FLVCR2: variants seen among roughly 807,000 people sequenced by gnomAD.
FLVCR2 encodes the protein choline/ethanolamine transporter FLVCR2.
FLVCR2 carries 38 observed loss-of-function variants against 48.9 expected under a neutral mutation model. That is an observed-to-expected ratio of 0.78 (90% CI 0.60 to 1.02). The LOEUF (loss-of-function observed/expected upper bound fraction) is 1.02. Among genes scored for constraint, FLVCR2 ranks in the 50% least tolerant of loss-of-function variants. The pLI is 0.00. For missense variants in FLVCR2, 664 were observed against 663.3 expected, an observed-to-expected ratio of 1.00 and a Z score of -0.01; for synonymous variants, 255 against 257.0, an observed-to-expected ratio of 0.99 and a Z score of 0.07.
Position 75,635,024 on chromosome 14 carries a change from C to T in FLVCR2, c.1124+11C>T, listed in dbSNP as rs1238994472. The T allele has an allele frequency of 1.4e-5, 22 of 1,548,020 alleles. No individual in the cohort carries two copies. The highest frequency in any genetic ancestry group is 2.0e-5 in the Non-Finnish European group (22 of 1,119,884). ...GTCCAAAACCTACAAGTAAGTGACT[C>T]ATCCTCTTGGACTGAGAATTGGGGA... On this transcript the variant is annotated intron_variant, in intron 5 of 9. Transcript: ENST00000238667.
At chr14:75,640,040 A>G (rs1178603962) in intron 6 of FLVCR2, among the ~76,000 whole-genome samples, 1 of 152,150 alleles carries the variant, frequency 6.6e-6, no homozygotes, top group Non-Finnish European at 1.5e-5. Context: ...CAGGCAGATC[A>G]CAAGGTCAGG....
chr14:75,579,037 A>G lies in FLVCR2; in HGVS notation c.65A>G (p.Gln22Arg). The G allele has an allele frequency of 6.2e-7, 1 of 1,614,058 alleles. No homozygotes were observed. Among genetic ancestry groups the G allele is most frequent in the Non-Finnish European group, 8.5e-7 (1 of 1,179,976 alleles). Reference sequence around the variant, plus strand: ...ACCCCTGTGCCGGAGTCCGCACTCCAAGCGGACCCCAGCGTCTCGGTCCAT... The same window carrying G: ...ACCCCTGTGCCGGAGTCCGCACTCCGAGCGGACCCCAGCGTCTCGGTCCAT... ...DDTPVPESAL[Q>R]ADPSVSVHPS... Residue 22 changes from glutamine to arginine, a missense_variant, in exon 1 of 10, where the codon CAA (glutamine) becomes CGA (arginine). Physicochemically the swap from Gln to Arg is conservative, Grantham distance 43. Transcript: ENST00000238667.
intron 1 of FLVCR2, among the ~76,000 whole-genome samples, chr14:75,590,909 C>G (rs1251138668): frequency 1.3e-5 from 2 of 152,246 alleles, no homozygotes; most frequent in Non-Finnish European, 2.9e-5. Context: ...GAATAATACA[C>G]TTGTTTCAGC....
intron 1 of FLVCR2, among the ~76,000 whole-genome samples, chr14:75,609,415 A>G (rs375325685): frequency 6.6e-6 from 1 of 152,206 alleles, no homozygotes; most frequent in African/African-American, 2.4e-5. Context: ...ATGGTGCTGC[A>G]ATCTCTCTCT....
intron 1 of FLVCR2, among the ~76,000 whole-genome samples, chr14:75,581,466 AG>A (rs1430930124): frequency 1.3e-5 from 2 of 152,190 alleles, no homozygotes; most frequent in Admixed American, 1.3e-4. Flanking sequence ...GAGGACGGTA[AG>A]GGGTATGAAG....
chr14:75,594,265 C>G (rs896647167), intron 1 of FLVCR2, among the ~76,000 whole-genome samples: 1 of 152,202 alleles, frequency 6.6e-6, no homozygotes, highest in Non-Finnish European at 1.5e-5. Context: ...CCCTGAGAAG[C>G]TTTAGGCTCT....
intron 1 of FLVCR2, among the ~76,000 whole-genome samples, chr14:75,579,993 G>A (rs1191005603): frequency 6.6e-6 from 1 of 152,234 alleles, no homozygotes; most frequent in Admixed American, 6.5e-5. Context: ...GACTATTCTG[G>A]TGTCATCAGA....
chr14:75,592,490 A>G (rs1282290382), intron 1 of FLVCR2, among the ~76,000 whole-genome samples: 1 of 152,160 alleles, frequency 6.6e-6, no homozygotes, highest in Non-Finnish European at 1.5e-5. Flanking sequence ...GTCAGAACTA[A>G]TCTCTTTAGC....
At chr14:75,592,262 C>A (rs1261653418) in intron 1 of FLVCR2, among the ~76,000 whole-genome samples, 2 of 152,076 alleles carry the variant, frequency 1.3e-5, no homozygotes, top group Non-Finnish European at 2.9e-5. Flanking sequence ...AGCTTGCACT[C>A]TCCAGAGCAG....
chr14:75,579,255 TC>T lies in FLVCR2; in HGVS notation c.285del (p.Met96CysfsTer37). 6.2e-7 allele frequency: 1 copy of T among 1,614,198 alleles called. No individual in the cohort carries two copies. The highest frequency in any genetic ancestry group is 8.5e-7 in the Non-Finnish European group (1 of 1,180,034). ...CGTGGTCCTGGTGTTTAGCTGCTACTCCATGTGCAACTCCTTTCAGTGGATC... is the reference window on the plus strand; with the variant it reads ...CGTGGTCCTGGTGTTTAGCTGCTACTCATGTGCAACTCCTTTCAGTGGATC... ...WAVVLVFSCY[S>X]MCNSFQWIQY... is the part of the protein sequence containing the mutation. On this transcript the variant is annotated frameshift_variant, in exon 1 of 10. Transcript: ENST00000238667. LOFTEE classifies it high-confidence loss of function.
chr14:75,640,965 A>G lies in FLVCR2; in HGVS notation c.1246A>G (p.Thr416Ala). The change falls in exon 7 of 10, where the codon ACT becomes GCT. Residue 416 changes from threonine (T) to alanine (A), a missense_variant. Coordinates refer to ENST00000238667, the MANE Select transcript of FLVCR2 (RefSeq NM_017791.3). ...ITAGTMGFFM[T>A]GYLPLGFEFA... ...TGGTCTGGTCTTCAGCTTCTTTATG[A>G]CTGGCTATCTCCCACTGGGATTTGA... is the stretch of plus-strand genomic sequence containing the variant. 6.2e-7 allele frequency: 1 copy of G among 1,613,306 alleles called. No individual in the cohort carries two copies. The highest frequency in any genetic ancestry group is 8.5e-7 in the Non-Finnish European group (1 of 1,179,352).
At chr14:75,605,411 G>A in intron 1 of FLVCR2, 1 of 1,433,488 alleles carries the variant, frequency 7.0e-7, no homozygotes. Context: ...TCTTTGGTGA[G>A]TCATTCATAG....
At chr14:75,615,738 G>A (rs367895518) in intron 1 of FLVCR2, among the ~76,000 whole-genome samples, 4 of 152,006 alleles carry the variant, frequency 2.6e-5, no homozygotes, top group East Asian at 3.9e-4. Context: ...GCATAAGGCC[G>A]GCTGGGCGTC....
At chr14:75,636,614 A>C (rs1890172108) in intron 5 of FLVCR2, among the ~76,000 whole-genome samples, 1 of 152,180 alleles carries the variant, frequency 6.6e-6, no homozygotes, top group African/African-American at 2.4e-5. Context: ...CCTAGATGTC[A>C]CCAGTTCCTA....
chr14:75,642,268 G>A (rs565016407), intron 9 of FLVCR2, among the ~76,000 whole-genome samples: 1 of 152,302 alleles, frequency 6.6e-6, no homozygotes, highest in African/African-American at 2.4e-5. Flanking sequence ...TGGCTGGGGA[G>A]GAAGGGGAAG....
At position 75,578,664 on chromosome 14, in the gene FLVCR2, C is replaced by T; in HGVS notation, c.-309C>T. On this transcript the variant is annotated 5_prime_UTR_variant, in exon 1 of 10. Coordinates refer to ENST00000238667, the MANE Select transcript of FLVCR2 (RefSeq NM_017791.3). ...GTGGCTGCGCAAGGAGAGAACTTTTCCTGCACAAGGAACGCCTCGTGGGGA... is the reference window on the plus strand; with the variant it reads ...GTGGCTGCGCAAGGAGAGAACTTTTTCTGCACAAGGAACGCCTCGTGGGGA... The T allele has an allele frequency of 2.1e-6, 1 of 476,758 alleles. No homozygotes were observed. Among genetic ancestry groups the T allele is most frequent in the East Asian group, 4.1e-5 (1 of 24,624 alleles). The allele number at this position is 476,758 out of a possible 1,614,324, so 29.5% of individuals were successfully genotyped here. A position where few individuals can be genotyped will look rare whatever the true frequency, so the allele number is the denominator to read the frequency against.
chr14:75,639,471 C>A lies in FLVCR2; in HGVS notation c.1235+9C>A, dbSNP rs1398598926. On this transcript the variant is annotated intron_variant, in intron 6 of 9. Coordinates refer to ENST00000238667, the MANE Select transcript of FLVCR2 (RefSeq NM_017791.3). ...ACTGCTGGCACAATGGGGTAAGTTT[C>A]ACCTCTGGCTGATTTATTAGAAAAT... is the stretch of plus-strand genomic sequence containing the variant. 8 of 1,563,120 alleles carry A rather than the reference C, an allele frequency of 5.1e-6. No individual in the cohort carries two copies. In the South Asian group the frequency reaches 8.9e-5, roughly 17 times the overall value.
intron 9 of FLVCR2, among the ~76,000 whole-genome samples, chr14:75,642,934 T>C (rs1830323181): frequency 6.6e-6 from 1 of 152,236 alleles, no homozygotes; most frequent in African/African-American, 2.4e-5. Flanking sequence ...CAATCTCAGC[T>C]CACTGCAGCC....
chr14:75,591,691 T>A (rs1049049620), intron 1 of FLVCR2, among the ~76,000 whole-genome samples: 41 of 152,124 alleles, frequency 2.7e-4, no homozygotes, highest in Non-Finnish European at 5.4e-4. Flanking sequence ...AGAAGAGTCC[T>A]CTGCTGTGGC....
Sources: allele counts gnomAD v4.1 joint callset (sites outside exome capture counted in the v4.1 genomes callset), GRCh38; gene constraint gnomAD v4.1.1; transcripts MANE v1.5; gene names NCBI Gene and HGNC (gene_info 2026-07-23, HGNC 2026-07-21).